Variants in SLC22A25 observed in about 807,000 individuals in gnomAD.
SLC22A25 encodes MGI:2442751, MGI:2385316, MGI:3042283, MGI:3645714, MGI:3605624, MGI:2442750.
SLC22A25 carries 44 observed loss-of-function variants against 45.9 expected under a neutral mutation model. The observed-to-expected ratio is 0.96, with a 90% CI of 0.75 to 1.23. The LOEUF (loss-of-function observed/expected upper bound fraction) is 1.23. SLC22A25 is among the 50% of genes most tolerant of loss of function. SLC22A25 has a pLI of 0.00. For missense variants in SLC22A25, 800 were observed against 666.4 expected (o/e 1.20, Z -2.21); for synonymous variants, 283 against 238.6 (o/e 1.19, Z -1.72).
rs763178287 is a variant in SLC22A25, at chr11:63,229,576, A to C, written c.77T>G (p.Met26Arg). 1.2e-6 allele frequency: 2 copies of C among 1,614,030 alleles called. No homozygotes were observed. Among genetic ancestry groups the C allele is most frequent in the Non-Finnish European group, 1.7e-6 (2 of 1,179,880 alleles). ...TTGATGGTATACTATGACGTTGAAC[A>C]TTATAAGGAAAACCATCTGAAGGAT... Reference protein sequence around the residue: ...FQILQMVFLIMFNVIVYHQTQ... With the variant: ...FQILQMVFLIRFNVIVYHQTQ... Residue 26 changes from methionine (M) to arginine (R), a missense_variant, in exon 4 of 12, where the codon ATG (methionine) becomes AGG (arginine). Physicochemically the swap from Met to Arg is moderately conservative, Grantham distance 91. Transcript: ENST00000306494.
intron 3 of SLC22A25, among the ~76,000 whole-genome samples, chr11:63,232,561 C>G (rs2090089408): frequency 6.6e-6 from 1 of 152,160 alleles, no homozygotes; most frequent in Non-Finnish European, 1.5e-5. Context: ...TCTAGATATA[C>G]AATCATGTCA....
intron 9 of SLC22A25, among the ~76,000 whole-genome samples, chr11:63,171,196 G>A (rs1400939504): frequency 6.6e-6 from 1 of 152,110 alleles, no homozygotes; most frequent in African/African-American, 2.4e-5. Flanking sequence ...CAAACCCATA[G>A]CCAATATCAT....
In SLC22A25 at chr11:63,198,360, A is replaced by G. The variant is rs139121017; in HGVS notation, c.831-14543T>C. Among the ~76,000 whole-genome samples, 188 of 152,322 alleles carry G rather than the reference A, an allele frequency of 1.2e-3. 1 individual carries two copies. The highest frequency in any genetic ancestry group is 4.2e-3 in the African/African-American group (176 of 41,576). Reference sequence around the variant, plus strand: ...CAATGATAGACTGGATTAAGAAAATATGACACATATAAACCATGGAATACT... The same window carrying G: ...CAATGATAGACTGGATTAAGAAAATGTGACACATATAAACCATGGAATACT... On this transcript the variant is annotated intron_variant, in intron 7 of 11. Coordinates refer to ENST00000306494, the MANE Select transcript of SLC22A25 (RefSeq NM_199352.6).
chr11:63,168,755 A>G (rs1477233292), intron 9 of SLC22A25, among the ~76,000 whole-genome samples: 1 of 152,168 alleles, frequency 6.6e-6, no homozygotes, highest in Non-Finnish European at 1.5e-5. Context: ...AGGACATTAT[A>G]CAGGAGAACT....
intron 7 of SLC22A25, among the ~76,000 whole-genome samples, chr11:63,198,505 G>T (rs1489925697): frequency 6.6e-6 from 1 of 152,168 alleles, no homozygotes; most frequent in Non-Finnish European, 1.5e-5. Flanking sequence ...TCACTCATAG[G>T]TGGTAATCGA....
intron 1 of SLC22A25, 37 bp downstream of exon 1, chr11:63,243,397 G>C: frequency 2.9e-6 from 2 of 700,368 alleles, no homozygotes; most frequent in South Asian, 1.5e-5. Flanking sequence ...AGGAACAGAA[G>C]TGTGAAGAAA....
intron 3 of SLC22A25, among the ~76,000 whole-genome samples, chr11:63,237,659 G>A (rs1363195788): frequency 6.6e-6 from 1 of 152,026 alleles, no homozygotes. Flanking sequence ...ACATGTTGTG[G>A]CACCAGATTT....
At chr11:63,166,520 A>C (rs1004238342) in intron 9 of SLC22A25, 10 of 1,183,672 alleles carry the variant, frequency 8.4e-6, no homozygotes, top group Non-Finnish European at 1.0e-5. Context: ...TTTTAAAAGC[A>C]ATGGATTTTA....
In SLC22A25 at chr11:63,229,786, C is replaced by G. The variant is rs993703220; in HGVS notation, c.-134G>C. The G allele has an allele frequency of 4.4e-5, 39 of 888,236 alleles. No homozygotes were observed. Among genetic ancestry groups the G allele is most frequent in the Non-Finnish European group, 5.9e-5 (37 of 624,818 alleles). The allele number at this position is 888,236 out of a possible 1,614,324, so 55.0% of individuals were successfully genotyped here. A position where few individuals can be genotyped will look rare whatever the true frequency, so the allele number is the denominator to read the frequency against. ...CTGACCCCACTCTCTTCTTAATGGG[C>G]CCTCTCTCCCATCTGCAGCAGGGTC... On this transcript the variant is annotated 5_prime_UTR_variant, in exon 4 of 12. Transcript: ENST00000306494.
In SLC22A25 at chr11:63,161,285, C is replaced by G. The variant is rs187746067; in HGVS notation, c.*2539G>C. On this transcript the variant is annotated 3_prime_UTR_variant, in exon 12 of 12. Coordinates refer to ENST00000306494, the MANE Select transcript of SLC22A25 (RefSeq NM_199352.6). The stretch of plus-strand genomic sequence containing the variant: ...CAAGGTCATAGGTGGAAAGGACTTG[C>G]CTTGTCTCAGATGAGACTTTGGACT... Among the ~76,000 whole-genome samples the G allele has an allele frequency of 6.6e-6, 1 of 152,256 alleles. No individual in the cohort carries two copies. The highest frequency in any genetic ancestry group is 1.9e-4 in the East Asian group (1 of 5,192).
At chr11:63,236,966 A>G (rs2090175456) in intron 3 of SLC22A25, among the ~76,000 whole-genome samples, 1 of 152,196 alleles carries the variant, frequency 6.6e-6, no homozygotes, top group East Asian at 1.9e-4. Context: ...AACAGGCTGA[A>G]TTCCATGTCA....
At position 63,159,826 on chromosome 11, in the gene SLC22A25, G is replaced by A. The variant is rs1181767137; in HGVS notation, c.*3998C>T. On this transcript the variant is annotated 3_prime_UTR_variant, in exon 12 of 12. Coordinates refer to ENST00000306494, the MANE Select transcript of SLC22A25 (RefSeq NM_199352.6). Reference sequence around the variant, plus strand: ...TGATATGGAAAATGAAATCCAGGCTGAGGTGGTCTCAGATGAAGATGAAGA... The same window carrying A: ...TGATATGGAAAATGAAATCCAGGCTAAGGTGGTCTCAGATGAAGATGAAGA... 2.6e-5 allele frequency among the ~76,000 whole-genome samples: 4 copies of A among 152,208 alleles called. No individual in the cohort carries two copies. Among genetic ancestry groups the A allele is most frequent in the East Asian group, 3.9e-4 (2 of 5,194 alleles).
intron 7 of SLC22A25, among the ~76,000 whole-genome samples, chr11:63,187,492 G>C (rs11825139): frequency 0.036 from 5,443 of 152,172 alleles, 315 homozygotes; most frequent in African/African-American, 0.12. Flanking sequence ...CATCTGCAAA[G>C]AGGGACAATT....
intron 7 of SLC22A25, among the ~76,000 whole-genome samples, chr11:63,198,675 A>G (rs567620319): frequency 6.6e-6 from 1 of 152,318 alleles, no homozygotes; most frequent in South Asian, 2.1e-4. Flanking sequence ...TATGAAACAA[A>G]TCTGCACATT....
intron 3 of SLC22A25, among the ~76,000 whole-genome samples, chr11:63,230,698 C>T (rs1328247832): frequency 1.3e-5 from 2 of 152,116 alleles, no homozygotes; most frequent in African/African-American, 4.8e-5. Flanking sequence ...ATGTGCACAA[C>T]GTGCAGATTT....
At position 63,159,830 on chromosome 11, in the gene SLC22A25, T is replaced by A. The variant is rs2087519950; in HGVS notation, c.*3994A>T. Among the ~76,000 whole-genome samples the A allele has an allele frequency of 6.6e-6, 1 of 152,140 alleles. No individual in the cohort carries two copies. The highest frequency in any genetic ancestry group is 2.4e-5 in the African/African-American group (1 of 41,416). On this transcript the variant is annotated 3_prime_UTR_variant, in exon 12 of 12. Transcript: ENST00000306494. ...ATGGAAAATGAAATCCAGGCTGAGG[T>A]GGTCTCAGATGAAGATGAAGAACTT...
chr11:63,234,963 G>GC lies in SLC22A25; in HGVS notation c.-445+2917dup, dbSNP rs551984768. ...TTTTCTTGAAGAATGTCGAATATTG[G>GC]CCCCCCCTCTCTTCTGGCTTGTAGA... On this transcript the variant is annotated intron_variant, in intron 3 of 11. Transcript: ENST00000306494. Among the ~76,000 whole-genome samples the GC allele has an allele frequency of 4.2e-4, 64 of 152,146 alleles. 3 individuals are homozygous for GC. Among genetic ancestry groups the GC allele is most frequent in the Middle Eastern group, 3.4e-3 (1 of 292 alleles).
Position 63,172,216 on chromosome 11 carries a change from A to G in SLC22A25, c.1071-5958T>C, listed in dbSNP as rs529126855. Among the ~76,000 whole-genome samples the G allele has an allele frequency of 7.9e-5, 12 of 152,320 alleles. No homozygotes were observed. The South Asian group carries it at 1.4e-3, about 18-fold the overall frequency. The stretch of plus-strand genomic sequence containing the variant: ...CCTAGAAGACAACTTAGGCAATACC[A>G]TTTGGGACATAGGCACAGGCAAAGA... On this transcript the variant is annotated intron_variant, in intron 9 of 11. Transcript: ENST00000306494.
At chr11:63,229,116 A>G (rs1172709184) in intron 4 of SLC22A25, 135 bp downstream of exon 4, 1 of 907,072 alleles carries the variant, frequency 1.1e-6, no homozygotes. Flanking sequence ...CATTCAGTAG[A>G]GAAGCAATTA....
Sources: allele counts gnomAD v4.1 joint callset (sites outside exome capture counted in the v4.1 genomes callset), GRCh38; gene constraint gnomAD v4.1.1; transcripts MANE v1.5; gene names NCBI Gene and HGNC (gene_info 2026-07-23, HGNC 2026-07-21).